SBF2: variants seen among roughly 807,000 people sequenced by gnomAD.
SBF2 encodes the protein SET binding factor 2.
A neutral mutation model predicts 225.2 loss-of-function variants in SBF2; 112 were observed. That is an observed-to-expected ratio of 0.50 (90% CI 0.43 to 0.58). The LOEUF (loss-of-function observed/expected upper bound fraction) is 0.58, where lower values mean the gene tolerates loss of function less well. Ranked by LOEUF, SBF2 falls within the 20% of genes least tolerant of loss-of-function variation. The pLI is 0.00. For synonymous variants in SBF2, 763 were observed against 773.3 expected (o/e 0.99, Z 0.22); for missense variants, 1,996 against 2,206.2 (o/e 0.90, Z 1.91).
At chr11:9,919,266 T>C (rs1863383105) in intron 16 of SBF2, among the ~76,000 whole-genome samples, 1 of 100,582 alleles carries the variant, frequency 9.9e-6, no homozygotes, top group African/African-American at 4.4e-5. Context: ...TTCTTCTTCT[T>C]CTTCTTTTTT....
chr11:10,089,758 C>A (rs554256730), intron 2 of SBF2, among the ~76,000 whole-genome samples: 1 of 152,078 alleles, frequency 6.6e-6, no homozygotes, highest in African/African-American at 2.4e-5. Context: ...ACAAGCCAAA[C>A]CAACACAAAA....
intron 2 of SBF2, among the ~76,000 whole-genome samples, chr11:10,108,347 C>A (rs1952650336): frequency 6.6e-6 from 1 of 152,040 alleles, no homozygotes; most frequent in Admixed American, 6.5e-5. Flanking sequence ...AGACCCTAAA[C>A]AAATACTGGT....
chr11:10,247,306 C>A (rs1458116629), intron 1 of SBF2, among the ~76,000 whole-genome samples: 2 of 152,056 alleles, frequency 1.3e-5, no homozygotes, highest in Non-Finnish European at 2.9e-5. Context: ...TATAGCAAAG[C>A]AAGTTGCATT....
intron 2 of SBF2, among the ~76,000 whole-genome samples, chr11:10,180,798 C>G (rs1480285590): frequency 6.6e-6 from 1 of 152,110 alleles, no homozygotes; most frequent in Non-Finnish European, 1.5e-5. Context: ...CTCACAAATT[C>G]TTTCTTCCAC....
rs548574856 is a variant in SBF2 at position 10,292,055 on chromosome 11, GGAAATGTTCCA to G, written c.55+1949_55+1959del. Among the ~76,000 whole-genome samples the G allele has an allele frequency of 3.3e-4, 51 of 152,278 alleles. 1 individual carries two copies. Among genetic ancestry groups the G allele is most frequent in the African/African-American group, 1.2e-3 (50 of 41,540 alleles). On this transcript the variant is annotated intron_variant, in intron 1 of 39. Transcript: ENST00000256190. ...GTCATGAAAGTCAGGAGAAGATAAAGGAAATGTTCCAGATTGAGGGAGACAAAAGAGACATA... is the reference window on the plus strand; with the variant it reads ...GTCATGAAAGTCAGGAGAAGATAAAGGATTGAGGGAGACAAAAGAGACATA...
chr11:10,286,487 G>C (rs10840386), intron 1 of SBF2, among the ~76,000 whole-genome samples: 1 of 151,266 alleles, frequency 6.6e-6, no homozygotes, highest in Non-Finnish European at 1.5e-5. Context: ...AGCCTCCCAC[G>C]TAGCTGGGAT....
intron 33 of SBF2, chr11:9,791,289 A>C (rs897977102): frequency 1.3e-5 from 2 of 152,124 alleles, no homozygotes; most frequent in African/African-American, 2.4e-5. Flanking sequence ...CTTTGTTTTT[A>C]ATAGGGAGGA....
intron 2 of SBF2, among the ~76,000 whole-genome samples, chr11:10,135,308 T>C (rs1289515148): frequency 6.6e-6 from 1 of 152,042 alleles, no homozygotes; most frequent in Non-Finnish European, 1.5e-5. Flanking sequence ...GGGTCTGTGA[T>C]GGCAGGGGCT....
At chr11:9,935,511 CAAA>C (rs1864830354) in intron 16 of SBF2, among the ~76,000 whole-genome samples, 1 of 152,086 alleles carries the variant, frequency 6.6e-6, no homozygotes, top group Non-Finnish European at 1.5e-5. Flanking sequence ...TAATTCTAAA[CAAA>C]AAGAAGAAAG....
chr11:10,284,954 A>C (rs1963648107), intron 1 of SBF2, among the ~76,000 whole-genome samples: 1 of 152,026 alleles, frequency 6.6e-6, no homozygotes, highest in South Asian at 2.1e-4. Context: ...TAAAATATAA[A>C]TATTTAAAAA....
At chr11:9,974,641 C>A (rs1946593421) in intron 13 of SBF2, among the ~76,000 whole-genome samples, 1 of 150,000 alleles carries the variant, frequency 6.7e-6, no homozygotes, top group African/African-American at 2.5e-5. Flanking sequence ...AAACAAGACA[C>A]CCCCAACACC....
chr11:9,795,312 C>A (rs1314210219), intron 33 of SBF2, among the ~76,000 whole-genome samples: 1 of 152,200 alleles, frequency 6.6e-6, no homozygotes, highest in Non-Finnish European at 1.5e-5. Context: ...CAACTTTTTC[C>A]TCATGTGATC....
At chr11:10,241,166 CACGGTGAA>C (rs564622351) in intron 1 of SBF2, among the ~76,000 whole-genome samples, 1 of 152,184 alleles carries the variant, frequency 6.6e-6, no homozygotes, top group Admixed American at 6.5e-5. Context: ...CCCTGGCCAA[CACGGTGAA>C]ACTCCATCTC....
chr11:10,036,265 G>A (rs551604096), intron 3 of SBF2, among the ~76,000 whole-genome samples: 2 of 152,222 alleles, frequency 1.3e-5, no homozygotes, highest in African/African-American at 4.8e-5. Flanking sequence ...CTGTCAGTGG[G>A]TAGTGGGGTT....
chr11:10,110,267 C>A (rs1465836543), intron 2 of SBF2, among the ~76,000 whole-genome samples: 2 of 152,130 alleles, frequency 1.3e-5, no homozygotes, highest in East Asian at 3.8e-4. Context: ...ATTAACCAAA[C>A]TACATATCGA....
intron 2 of SBF2, among the ~76,000 whole-genome samples, chr11:10,115,828 A>C (rs1953110578): frequency 6.6e-6 from 1 of 152,228 alleles, no homozygotes; most frequent in African/African-American, 2.4e-5. Context: ...CAGGTAGAAA[A>C]GTAAGTTATA....
intron 6 of SBF2, among the ~76,000 whole-genome samples, chr11:10,025,090 T>C (rs1372489993): frequency 6.6e-6 from 1 of 152,202 alleles, no homozygotes; most frequent in Non-Finnish European, 1.5e-5. Flanking sequence ...TTCTTTCATA[T>C]AGTTTTGGTC....
chr11:9,845,977 T>C (rs1338767141), intron 23 of SBF2, among the ~76,000 whole-genome samples: 1 of 152,234 alleles, frequency 6.6e-6, no homozygotes, highest in East Asian at 1.9e-4. Flanking sequence ...TTCTTTAAGA[T>C]TATTTCTTCT....
intron 14 of SBF2, 81 bp from the exon 15 acceptor site, chr11:9,963,963 A>G: frequency 1.2e-6 from 1 of 837,300 alleles, no homozygotes; most frequent in South Asian, 1.4e-5. Context: ...CTACTTTAAG[A>G]CTGTAGGTTG....
Sources: gnomAD v4.1 joint callset for allele counts (sites outside exome capture counted in the v4.1 genomes callset) on GRCh38, gnomAD v4.1.1 for gene constraint, MANE v1.5 for transcripts, NCBI Gene and HGNC (gene_info 2026-07-23, HGNC 2026-07-21) for gene names.